Variants in DOCK8 observed in about 807,000 individuals in gnomAD.
DOCK8 encodes the protein dedicator of cytokinesis protein 8.
DOCK8 carries 141 observed loss-of-function variants against 245.6 expected under a neutral mutation model. The ratio of observed to expected loss-of-function variants is 0.57; its 90% confidence interval spans 0.50 to 0.66. DOCK8 has a LOEUF of 0.66. Ranked by LOEUF, DOCK8 falls within the 30% of genes least tolerant of loss-of-function variation. DOCK8 has a pLI of 0.00. For synonymous variants in DOCK8, 1,168 were observed against 970.2 expected, an observed-to-expected ratio of 1.20 and a Z score of -3.79; for missense variants, 2,965 against 2,603.4, an observed-to-expected ratio of 1.14 and a Z score of -3.02.
At chr9:378,113 T>C (rs1218126808) in intron 20 of DOCK8, among the ~76,000 whole-genome samples, 1 of 152,178 alleles carries the variant, frequency 6.6e-6, no homozygotes, top group African/African-American at 2.4e-5. Flanking sequence ...ACTTATAATA[T>C]GGCAAAGAGT....
chr9:234,314 C>G (rs2047196234), intron 1 of DOCK8, among the ~76,000 whole-genome samples: 1 of 152,230 alleles, frequency 6.6e-6, no homozygotes, highest in Non-Finnish European at 1.5e-5. Flanking sequence ...ACCTTTCTCT[C>G]TGGCTGCCCT....
chr9:375,341 A>T (rs1451156738), intron 18 of DOCK8, among the ~76,000 whole-genome samples: 1 of 152,184 alleles, frequency 6.6e-6, no homozygotes, highest in Admixed American at 6.5e-5. Context: ...TGTCTGTAAG[A>T]CCTACGAAGG....
In DOCK8 at chr9:328,074, T is replaced by G. The variant is rs1290065651; in HGVS notation, c.947T>G (p.Leu316Arg). The change falls in exon 9 of 48, where the codon CTG (leucine) becomes CGG (arginine). Residue 316 changes from leucine (L) to arginine (R), a missense_variant. Physicochemically the swap from Leu to Arg is moderately radical, Grantham distance 102 (BLOSUM62 -2). Coordinates refer to ENST00000432829, the MANE Select transcript of DOCK8 (RefSeq NM_203447.4). Reference sequence around the variant, plus strand: ...AACTCTGACCAGTTCAAAGGATTTCTGCGAGCTCACACGCCTTCAGTGGCC... The same window carrying G: ...AACTCTGACCAGTTCAAAGGATTTCGGCGAGCTCACACGCCTTCAGTGGCC... ...DLNSDQFKGF[L>R]RAHTPSVAAS... is the part of the protein sequence containing the mutation. 3.7e-6 allele frequency: 6 copies of G among 1,614,104 alleles called. No homozygotes were observed. In the South Asian group the frequency reaches 6.6e-5, roughly 18 times the overall value.
At position 422,150 on chromosome 9, in the gene DOCK8, A is replaced by C. The variant is rs1358878610; in HGVS notation, c.4241+15A>C. 8 of 1,610,286 alleles carry C rather than the reference A, an allele frequency of 5.0e-6. No homozygotes were observed. In the Admixed American group the frequency reaches 1.0e-4, roughly 20 times the overall value. On this transcript the variant is annotated intron_variant, in intron 33 of 47. Coordinates refer to ENST00000432829, the MANE Select transcript of DOCK8 (RefSeq NM_203447.4). The stretch of plus-strand genomic sequence containing the variant: ...AAGCTAGATAAGTGAGTCACTCGGC[A>C]ACTTTCTGCTACTTTTACCTAAAGT...
In DOCK8 at chr9:390,471, C is replaced by T. The variant is rs768213866; in HGVS notation, c.2875C>T (p.His959Tyr). 4 of 1,613,996 alleles carry T rather than the reference C, an allele frequency of 2.5e-6. No individual in the cohort carries two copies. The change falls in exon 24 of 48, where the codon CAT becomes TAT. Residue 959 changes from histidine (H) to tyrosine (Y), a missense_variant and splice_region_variant. Coordinates refer to ENST00000432829, the MANE Select transcript of DOCK8 (RefSeq NM_203447.4). ...PAAPRPASKK[H>Y]FHEELALQMV... ...CCTAATTTTTGTGGTTCTTATTTAG[C>T]ATTTCCATGAGGAGCTTGCCCTTCA...
intron 30 of DOCK8, among the ~76,000 whole-genome samples, chr9:419,723 G>C (rs1480790760): frequency 6.6e-6 from 1 of 152,190 alleles, no homozygotes; most frequent in Non-Finnish European, 1.5e-5. Flanking sequence ...GTGTTGATGA[G>C]ATGAGTAACA....
chr9:407,054 A>G lies in DOCK8; in HGVS notation c.3515A>G (p.Asp1172Gly), dbSNP rs1165376352. 1.9e-6 allele frequency: 3 copies of G among 1,614,166 alleles called. No homozygotes were observed. Among genetic ancestry groups the G allele is most frequent in the Non-Finnish European group, 2.5e-6 (3 of 1,180,032 alleles). Residue 1172 changes from aspartate to glycine, a missense_variant, in exon 28 of 48, where the codon GAT (aspartate) becomes GGT (glycine). Around this residue, in one of 3 missense-constraint regions of DOCK8, gnomAD observed 2,825 missense variants for 2,453.5 expected, o/e 1.15. Transcript: ENST00000432829. ...TTCACAGAACTGGCTGCTGCCCTGG[A>G]TGCCGAAGGGGAAGGGTATGTTTCT... ...LLFTELAAAL[D>G]AEGEGISKVQ... is the part of the protein sequence containing the mutation.
chr9:381,189 G>A (rs976808659), intron 21 of DOCK8: 1 of 152,182 alleles, frequency 6.6e-6, no homozygotes, highest in African/African-American at 2.4e-5. Context: ...CTGAAATTAT[G>A]TGTTTCTTTA....
At chr9:270,650 T>TTTAAC (rs1314264711) in intron 1 of DOCK8, among the ~76,000 whole-genome samples, 2 of 152,240 alleles carry the variant, frequency 1.3e-5, no homozygotes, top group East Asian at 3.8e-4. Flanking sequence ...ATTTGTAATA[T>TTTAAC]TTAAGTATTA....
intron 43 of DOCK8, 67 bp downstream of exon 43, chr9:443,583 C>G (rs2057158928): frequency 3.9e-6 from 5 of 1,266,224 alleles, no homozygotes; most frequent in Admixed American, 1.7e-5. Context: ...CCAAGAATAC[C>G]TAATGATCTC....
intron 28 of DOCK8, among the ~76,000 whole-genome samples, chr9:408,749 A>G (rs2055556390): frequency 6.6e-6 from 1 of 152,178 alleles, no homozygotes; most frequent in South Asian, 2.1e-4. Context: ...CAGCCATGAC[A>G]TTCTGTTCTG....
chr9:416,009 A>G (rs528675888), intron 29 of DOCK8, among the ~76,000 whole-genome samples: 8 of 152,376 alleles, frequency 5.3e-5, no homozygotes, highest in African/African-American at 1.9e-4. Context: ...AAATCATAAA[A>G]TGAAAAGCAA....
chr9:402,251 T>G (rs2055147531), intron 26 of DOCK8, among the ~76,000 whole-genome samples: 1 of 152,200 alleles, frequency 6.6e-6, no homozygotes. Flanking sequence ...CTTAAATTCT[T>G]CCCTTTTCTT....
At chr9:398,127 A>G (rs983446868) in intron 25 of DOCK8, among the ~76,000 whole-genome samples, 2 of 152,326 alleles carry the variant, frequency 1.3e-5, no homozygotes, top group African/African-American at 2.4e-5. Context: ...TGGTATCTCC[A>G]CATTGGCAGG....
At chr9:428,620 C>A in intron 35 of DOCK8, 124 bp downstream of exon 35, 1 of 1,236,592 alleles carries the variant, frequency 8.1e-7, no homozygotes, top group Non-Finnish European at 1.2e-6. Flanking sequence ...CAGTAAAGGT[C>A]TTAAGTCTTC....
chr9:441,516 CT>C, intron 41 of DOCK8, 99 bp downstream of exon 41: 1 of 1,566,408 alleles, frequency 6.4e-7, no homozygotes, highest in Non-Finnish European at 8.7e-7. Flanking sequence ...AGTGATTTAT[CT>C]TTAGCACATT....
intron 27 of DOCK8, 138 bp downstream of exon 27, chr9:405,211 G>A (rs2055357160): frequency 3.3e-6 from 3 of 896,888 alleles, no homozygotes; most frequent in Non-Finnish European, 5.1e-6. Flanking sequence ...GATCAAGTAT[G>A]CTACCCTGAA....
At chr9:327,682 C>G (rs2050825329) in intron 8 of DOCK8, among the ~76,000 whole-genome samples, 1 of 152,186 alleles carries the variant, frequency 6.6e-6, no homozygotes, top group Non-Finnish European at 1.5e-5. Context: ...CGAGTGTGAA[C>G]CACCACACCC....
intron 1 of DOCK8, among the ~76,000 whole-genome samples, chr9:266,621 G>T (rs1396179423): frequency 1.3e-5 from 2 of 152,060 alleles, no homozygotes; most frequent in African/African-American, 4.8e-5. Context: ...GCTATGATTA[G>T]TTGTGGTTTG....
Sources: allele counts gnomAD v4.1 joint callset (sites outside exome capture counted in the v4.1 genomes callset), GRCh38; gene constraint gnomAD v4.1.1; regional missense constraint gnomAD v4.1.1; transcripts MANE v1.5; gene names NCBI Gene and HGNC (gene_info 2026-07-23, HGNC 2026-07-21).